PLA2R1: variants seen among roughly 807,000 people sequenced by gnomAD.
PLA2R1 encodes the protein secretory phospholipase A2 receptor.
PLA2R1 carries 158 observed loss-of-function variants against 195.9 expected under a neutral mutation model. That is an observed-to-expected ratio of 0.81 (90% CI 0.71 to 0.92). The LOEUF (loss-of-function observed/expected upper bound fraction) is 0.92, where lower values mean the gene tolerates loss of function less well. Ranked by LOEUF, PLA2R1 falls within the 40% of genes least tolerant of loss-of-function variation. PLA2R1 has a pLI of 0.00. For synonymous variants in PLA2R1, 586 were observed against 598.2 expected, an observed-to-expected ratio of 0.98 and a Z score of 0.30; for missense variants, 1,626 against 1,764.6, an observed-to-expected ratio of 0.92 and a Z score of 1.41.
At chr2:159,959,834 C>T (rs1438548843) in intron 20 of PLA2R1, among the ~76,000 whole-genome samples, 1 of 152,150 alleles carries the variant, frequency 6.6e-6, no homozygotes, top group African/African-American at 2.4e-5. Context: ...AGCCCCCTCA[C>T]CCATCCCCAT....
intron 10 of PLA2R1, among the ~76,000 whole-genome samples, chr2:160,009,318 T>C (rs1450718086): frequency 6.6e-6 from 1 of 152,310 alleles, no homozygotes; most frequent in East Asian, 1.9e-4. Context: ...TGTCCATTAA[T>C]GGATGAATGG....
chr2:160,001,688 A>T (rs888924479), intron 11 of PLA2R1, among the ~76,000 whole-genome samples: 1 of 152,010 alleles, frequency 6.6e-6, no homozygotes, highest in Non-Finnish European at 1.5e-5. Context: ...AACTCTAAGG[A>T]GAAAATAATT....
chr2:159,978,588 A>C (rs1689734225), intron 14 of PLA2R1, among the ~76,000 whole-genome samples: 1 of 152,178 alleles, frequency 6.6e-6, no homozygotes, highest in Non-Finnish European at 1.5e-5. Context: ...AACAAAAGAA[A>C]GTGTTCTCAA....
intron 13 of PLA2R1, among the ~76,000 whole-genome samples, chr2:159,983,342 G>C (rs1047327022): frequency 3.9e-5 from 6 of 151,908 alleles, no homozygotes; most frequent in African/African-American, 1.5e-4. Flanking sequence ...TAACTCCACT[G>C]AATTCAAGGT....
At chr2:159,970,032 T>A in intron 18 of PLA2R1, 116 bp downstream of exon 18, 1 of 645,500 alleles carries the variant, frequency 1.5e-6, no homozygotes, top group South Asian at 2.0e-5. Flanking sequence ...GAAGTGAAAA[T>A]TTATAAGTTA....
At chr2:159,962,171 C>T (rs1431456675) in intron 20 of PLA2R1, among the ~76,000 whole-genome samples, 2 of 152,132 alleles carry the variant, frequency 1.3e-5, no homozygotes, top group East Asian at 1.9e-4. Flanking sequence ...CTACAAAGAA[C>T]TTAAACAAAT....
intron 20 of PLA2R1, among the ~76,000 whole-genome samples, chr2:159,966,680 C>T (rs991676291): frequency 6.6e-6 from 1 of 152,092 alleles, no homozygotes; most frequent in Non-Finnish European, 1.5e-5. Flanking sequence ...AAAGCCCTGC[C>T]AATATAACTG....
intron 1 of PLA2R1, among the ~76,000 whole-genome samples, chr2:160,051,243 T>A (rs1299355041): frequency 6.6e-6 from 1 of 152,226 alleles, no homozygotes; most frequent in Non-Finnish European, 1.5e-5. Context: ...AAAGTTCCAG[T>A]GCATGGTTCA....
At chr2:159,973,265 T>C (rs1366481759) in intron 17 of PLA2R1, among the ~76,000 whole-genome samples, 1 of 152,010 alleles carries the variant, frequency 6.6e-6, no homozygotes, top group Non-Finnish European at 1.5e-5. Context: ...CCACCAACAA[T>C]AAGTGCCCAA....
chr2:159,996,952 T>C (rs1691253853), intron 11 of PLA2R1, among the ~76,000 whole-genome samples: 1 of 152,182 alleles, frequency 6.6e-6, no homozygotes, highest in African/African-American at 2.4e-5. Context: ...CTTTTTCCAT[T>C]AAAGCCCTTA....
intron 13 of PLA2R1, 67 bp downstream of exon 13, chr2:159,983,861 C>T (rs952922756): frequency 5.3e-6 from 4 of 758,984 alleles, no homozygotes; most frequent in Non-Finnish European, 8.0e-6. Flanking sequence ...GGATACTCAC[C>T]CCTCAGAAGC....
At chr2:159,973,574 T>A (rs1408942874) in intron 17 of PLA2R1, among the ~76,000 whole-genome samples, 1 of 151,988 alleles carries the variant, frequency 6.6e-6, no homozygotes, top group Non-Finnish European at 1.5e-5. Flanking sequence ...AACCAGGAAG[T>A]GGGCATTCAC....
intron 10 of PLA2R1, among the ~76,000 whole-genome samples, chr2:160,012,327 C>G (rs986839783): frequency 2.6e-5 from 4 of 152,206 alleles, no homozygotes; most frequent in African/African-American, 9.7e-5. Context: ...TTCCAGCCCC[C>G]ACTGTCCTCC....
chr2:159,961,571 T>C (rs1688440848), intron 20 of PLA2R1, among the ~76,000 whole-genome samples: 1 of 152,322 alleles, frequency 6.6e-6, no homozygotes, highest in East Asian at 1.9e-4. Flanking sequence ...AACTCTGAGC[T>C]ACATGAGGGT....
At chr2:159,947,761 C>T (rs1023918216) in intron 25 of PLA2R1, among the ~76,000 whole-genome samples, 14 of 152,024 alleles carry the variant, frequency 9.2e-5, no homozygotes. Flanking sequence ...TAATCTTTAC[C>T]TAAACATAAC....
rs867257894 is a variant in PLA2R1 at position 160,005,575 on chromosome 2, G to A, written c.1834+77C>T. On this transcript the variant is annotated intron_variant, in intron 11 of 29. Coordinates refer to ENST00000283243, the MANE Select transcript of PLA2R1 (RefSeq NM_007366.5). ...AAGAAAACATTAAGAAAGAATCAAA[G>A]GAGGTGGGCCAAGGGGTGGAAGGAA... The A allele has an allele frequency of 1.7e-5, 21 of 1,209,310 alleles. No individual in the cohort carries two copies. The South Asian group carries it at 2.7e-4, about 15-fold the overall frequency. 74.9% of individuals were successfully genotyped at this position (1,209,310 alleles called of 1,614,324 possible).
chr2:160,009,043 A>C (rs1003605784), intron 10 of PLA2R1, among the ~76,000 whole-genome samples: 1 of 152,234 alleles, frequency 6.6e-6, no homozygotes, highest in Non-Finnish European at 1.5e-5. Context: ...AAAACAAAAC[A>C]ACCAGATAAT....
In PLA2R1 at chr2:159,976,685, C is replaced by T. The variant is rs750945145; in HGVS notation, c.2437G>A (p.Asp813Asn). Residue 813 changes from aspartate to asparagine, a missense_variant and splice_region_variant, in exon 16 of 30, where the codon GAT (aspartate) becomes AAT (asparagine). Transcript: ENST00000283243. ...KPKIPFWYQY[D>N]VPWLFYQDAE... is the part of the protein sequence containing the mutation. The stretch of plus-strand genomic sequence containing the variant: ...CAAGAGCTGCCAGAGTCATTCTTAC[C>T]GTACTGGTACCAGAACGGAATCTTG... 9.4e-6 allele frequency: 15 copies of T among 1,599,156 alleles called. No individual in the cohort carries two copies. The highest frequency in any genetic ancestry group is 6.7e-5 in the East Asian group (3 of 44,752).
In PLA2R1 at chr2:160,015,047, A is replaced by G. The variant is rs16844671; in HGVS notation, c.1551+1567T>C. ...ACCAGCTCAAGAAAAGGGAGGGAAA[A>G]AAAGATCTGGCATAGAATAATCAGA... On this transcript the variant is annotated intron_variant, in intron 9 of 29. Transcript: ENST00000283243. Among the ~76,000 whole-genome samples the G allele has an allele frequency of 8.0e-3, 1,224 of 152,352 alleles. 20 individuals are homozygous for G. The highest frequency in any genetic ancestry group is 0.027 in the African/African-American group (1,116 of 41,582).
Sources: allele counts gnomAD v4.1 joint callset (sites outside exome capture counted in the v4.1 genomes callset), GRCh38; gene constraint gnomAD v4.1.1; transcripts MANE v1.5; gene names NCBI Gene and HGNC (gene_info 2026-07-23, HGNC 2026-07-21).